Variants in F8 observed in about 807,000 individuals in gnomAD.
The protein encoded by F8 is coagulation factor VIII.
F8 carries 12 observed loss-of-function variants against 140.6 expected under a neutral mutation model. The ratio of observed to expected loss-of-function variants is 0.09; its 90% CI spans 0.05 to 0.14. The LOEUF (loss-of-function observed/expected upper bound fraction) is 0.14, where lower values mean the gene tolerates loss of function less well. Among genes scored for constraint, F8 ranks in the 10% least tolerant of loss-of-function variants. The pLI is 1.00. For missense variants in F8, 1,354 were observed against 1,720.7 expected (o/e 0.79, Z 3.77); for synonymous variants, 585 against 614.6 (o/e 0.95, Z 0.71).
At chrX:154,868,445 A>C (rs2148570617) in intron 22 of F8, among the ~76,000 whole-genome samples, 1 of 111,590 alleles carries the variant, frequency 9.0e-6, no homozygotes, top group South Asian at 3.8e-4. Context: ...TAAACCTCTT[A>C]AAGCTTCATA....
intron 14 of F8, among the ~76,000 whole-genome samples, chrX:154,910,599 C>A (rs1557276669): frequency 4.5e-5 from 5 of 112,314 alleles, no homozygotes; most frequent in African/African-American, 1.6e-4. Flanking sequence ...ATTCTCTAAT[C>A]TCAAGTACCC....
At chrX:154,866,529 G>A (rs1449117614) in intron 22 of F8, among the ~76,000 whole-genome samples, 1 of 111,915 alleles carries the variant, frequency 8.9e-6, no homozygotes, top group African/African-American at 3.2e-5. Flanking sequence ...ATCATACCAA[G>A]TATATTTTCT....
chrX:154,975,293 C>G (rs1340596339), intron 6 of F8, among the ~76,000 whole-genome samples: 2 of 111,573 alleles, frequency 1.8e-5, no homozygotes, highest in Admixed American at 1.9e-4. Flanking sequence ...TCATTTGTTT[C>G]AAGAAATTTT....
At chrX:154,896,378 G>A (rs1557275624) in intron 21 of F8, 146 bp from the exon 22 acceptor site, 2 of 580,995 alleles carry the variant, frequency 3.4e-6, no homozygotes, top group African/African-American at 4.5e-5. Context: ...AGTCACCAAT[G>A]TTGAAATGTG....
intron 25 of F8, among the ~76,000 whole-genome samples, chrX:154,839,440 G>A (rs1003779637): frequency 2.3e-4 from 24 of 105,301 alleles, no homozygotes; most frequent in East Asian, 3.1e-4. Flanking sequence ...TCGGCTCACT[G>A]CAAGCTCCGC....
chrX:154,934,612 G>A (rs892846327), intron 13 of F8, among the ~76,000 whole-genome samples: 3 of 111,259 alleles, frequency 2.7e-5, no homozygotes, highest in South Asian at 3.8e-4. Flanking sequence ...GTGGGGAGGG[G>A]AGGAAAGAAA....
chrX:154,852,451 T>C (rs782036577), intron 25 of F8, among the ~76,000 whole-genome samples: 1 of 112,065 alleles, frequency 8.9e-6, no homozygotes, highest in South Asian at 3.7e-4. Context: ...GCACCATTTG[T>C]TGAAGAGACT....
intron 25 of F8, among the ~76,000 whole-genome samples, chrX:154,846,994 C>G (rs2072572278): frequency 8.9e-6 from 1 of 111,747 alleles, no homozygotes; most frequent in South Asian, 3.7e-4. Context: ...GACAAAATCT[C>G]TCAGCATTTG....
intron 1 of F8, among the ~76,000 whole-genome samples, chrX:155,016,379 G>A (rs1295759739): frequency 8.9e-6 from 1 of 112,092 alleles, no homozygotes; most frequent in Non-Finnish European, 1.9e-5. Flanking sequence ...CTGTCTGGCA[G>A]TTTCTCTTAA....
At chrX:154,968,140 C>A (rs1450499057) in intron 7 of F8, among the ~76,000 whole-genome samples, 2 of 111,639 alleles carry the variant, frequency 1.8e-5, no homozygotes, top group African/African-American at 3.3e-5. Context: ...TAATTATCAT[C>A]GTGATGGTAT....
At chrX:154,982,153 C>A (rs1232130847) in intron 6 of F8, among the ~76,000 whole-genome samples, 4 of 107,048 alleles carry the variant, frequency 3.7e-5, no homozygotes, top group African/African-American at 1.4e-4. Context: ...CACTGCACTC[C>A]AGCCTGGGTG....
intron 2 of F8, among the ~76,000 whole-genome samples, chrX:154,999,104 G>A (rs1252573113): frequency 9.0e-6 from 1 of 110,894 alleles, no homozygotes; most frequent in Non-Finnish European, 1.9e-5. Flanking sequence ...CCTAAGGGTT[G>A]CAGAACCAAT....
chrX:154,947,310 GA>G (rs1557280385), intron 13 of F8, among the ~76,000 whole-genome samples: 1 of 105,093 alleles, frequency 9.5e-6, no homozygotes, highest in African/African-American at 3.5e-5. Flanking sequence ...AATTACCAGA[GA>G]AATGCAAACC....
Position 154,930,865 on chromosome X carries a change from T to C in F8, c.2925A>G (p.Gln975=). 8.3e-7 allele frequency: 1 copy of C among 1,207,388 alleles called. No individual in the cohort carries two copies. The highest frequency in any genetic ancestry group is 1.1e-6 in the Non-Finnish European group (1 of 893,681). The change falls in exon 14 of 26, where the codon CAA becomes CAG. Residue 975 remains glutamine, a synonymous_variant. Transcript: ENST00000360256. The part of the protein sequence containing the change: ...KLLESGLMNS[Q]ESSWGKNVSS... ...ATACATTTTTTCCCCATGAACTTTC[T>C]TGGCTATTCATTAAACCTGATTCTA...
At chrX:154,860,122 A>G (rs1011033711) in intron 25 of F8, among the ~76,000 whole-genome samples, 1 of 112,107 alleles carries the variant, frequency 8.9e-6, no homozygotes, top group African/African-American at 3.2e-5. Context: ...TGAATTATCC[A>G]GCAAACCCAG....
intron 22 of F8, among the ~76,000 whole-genome samples, chrX:154,876,115 A>ATTTT (rs58675912): frequency 2.5e-5 from 2 of 81,465 alleles, no homozygotes; most frequent in Admixed American, 1.3e-4. Flanking sequence ...TATCATGGGA[A>ATTTT]TTTTTTTTTT....
chrX:154,961,567 T>G (rs2073395854), intron 9 of F8, among the ~76,000 whole-genome samples: 1 of 112,188 alleles, frequency 8.9e-6, no homozygotes, highest in African/African-American at 3.2e-5. Context: ...TTATCTTTTA[T>G]TGTTTTGGGG....
chrX:154,842,446 T>G (rs1341242264), intron 25 of F8, among the ~76,000 whole-genome samples: 1 of 112,186 alleles, frequency 8.9e-6, no homozygotes, highest in Non-Finnish European at 1.9e-5. Flanking sequence ...TCAGGCTTTC[T>G]TCTCTTCCAA....
At chrX:154,976,974 T>C (rs1382768280) in intron 6 of F8, among the ~76,000 whole-genome samples, 5 of 106,615 alleles carry the variant, frequency 4.7e-5, no homozygotes, top group Non-Finnish European at 9.8e-5. Context: ...CTTCCTCTCT[T>C]AATCTCTTCC....
Sources: allele counts gnomAD v4.1 joint callset (sites outside exome capture counted in the v4.1 genomes callset), GRCh38; gene constraint gnomAD v4.1.1; transcripts MANE v1.5; gene names NCBI Gene and HGNC (gene_info 2026-07-23, HGNC 2026-07-21).